ZNF81: variants seen among roughly 807,000 people sequenced by gnomAD.
ZNF81 encodes zinc finger protein 81 (HFZ20).
ZNF81 carries 5 observed loss-of-function variants against 32.3 expected under a neutral mutation model. That is an observed-to-expected ratio of 0.15 (90% CI 0.08 to 0.33). The LOEUF (loss-of-function observed/expected upper bound fraction) is 0.33, where lower values mean the gene tolerates loss of function less well. Among genes scored for constraint, ZNF81 ranks in the 10% least tolerant of loss-of-function variants. The pLI is 1.00. For synonymous variants in ZNF81, 163 were observed against 166.8 expected (o/e 0.98, Z 0.17); for missense variants, 379 against 479.8 (o/e 0.79, Z 1.96).
chrX:47,901,224 A>C (rs1231046754), intron 4 of ZNF81, among the ~76,000 whole-genome samples: 1 of 111,939 alleles, frequency 8.9e-6, no homozygotes, highest in Non-Finnish European at 1.9e-5. Context: ...CTTACCATTG[A>C]TTCTTGTACA....
At chrX:47,908,919 A>G (rs782732459) in intron 4 of ZNF81, among the ~76,000 whole-genome samples, 10 of 112,130 alleles carry the variant, frequency 8.9e-5, no homozygotes, top group East Asian at 2.8e-4. Flanking sequence ...AATTATTGAC[A>G]GGAAAGGGCC....
In ZNF81 at chrX:47,915,388, C is replaced by T. The variant is rs782282759; in HGVS notation, c.742C>T (p.Arg248Cys). ...ACATACAGGAGTGAAGTTCTGTGAA[C>T]GTAATCAATGTGGAAAAGTCCTCAG... ...NTHTGVKFCE[R>C]NQCGKVLSLK... Residue 248 changes from arginine to cysteine, a missense_variant, in exon 5 of 5, where the codon CGT (arginine) becomes TGT (cysteine). By Grantham distance (180) the Arg-to-Cys change is radical. Coordinates refer to ENST00000338637, the MANE Select transcript of ZNF81 (RefSeq NM_007137.5). The T allele has an allele frequency of 3.6e-5, 44 of 1,209,807 alleles. No individual in the cohort carries two copies. The Middle Eastern group carries it at 9.1e-4, about 25-fold the overall frequency.
chrX:47,845,167 A>G (rs2058465480), intron 1 of ZNF81, among the ~76,000 whole-genome samples: 1 of 110,996 alleles, frequency 9.0e-6, no homozygotes, highest in African/African-American at 3.3e-5. Context: ...TTTACTCTTT[A>G]TTTATTTTAC....
chrX:47,841,658 ATTTTCTGGAACCAAAGGGAT>A (rs1170471645), intron 1 of ZNF81: 110 of 1,028,234 alleles, frequency 1.1e-4, no homozygotes, highest in Non-Finnish European at 1.3e-4. Context: ...TTTTCAGGAG[ATTTTCTGGAACCAAAGGGAT>A]TTTTCTTTGC....
chrX:47,915,096 G>A lies in ZNF81; in HGVS notation c.450G>A (p.Leu150=). ...GTCAGGAAAAACACAACAAACTTCT[G>A]AGTCGCACTACTTTCCTCAATAAGA... is the stretch of plus-strand genomic sequence containing the variant. ...KRCQEKHNKL[L]SRTTFLNKKI... The change falls in exon 5 of 5, where the codon CTG becomes CTA. Residue 150 remains leucine, a synonymous_variant. Coordinates refer to ENST00000338637, the MANE Select transcript of ZNF81 (RefSeq NM_007137.5). 1 of 1,208,743 alleles carries A rather than the reference G, an allele frequency of 8.3e-7. No individual in the cohort carries two copies. Among genetic ancestry groups the A allele is most frequent in the Non-Finnish European group, 1.1e-6 (1 of 894,499 alleles).
intron 1 of ZNF81, among the ~76,000 whole-genome samples, chrX:47,838,710 CT>C (rs1248792118): frequency 1.1e-4 from 12 of 111,506 alleles, no homozygotes. Flanking sequence ...TTAGCTAATG[CT>C]TTTTTGAGGA....
rs1470582797 is a variant in ZNF81 at position 47,917,211 on chromosome X, T to C, written c.*579T>C. 7 of 294,714 alleles carry C rather than the reference T, an allele frequency of 2.4e-5. No individual in the cohort carries two copies. Among genetic ancestry groups the C allele is most frequent in the African/African-American group, 1.9e-4 (7 of 36,490 alleles). The allele number at this position is 294,714 out of a possible 1,213,427, so 24.3% of individuals were successfully genotyped here. A position where few individuals can be genotyped will look rare whatever the true frequency, so the allele number is the denominator to read the frequency against. The stretch of plus-strand genomic sequence containing the variant: ...TATCAAATATGTTTCTTATTGAATA[T>C]TTCTATCAAGTGAATCCACAATTTA... On this transcript the variant is annotated 3_prime_UTR_variant, in exon 5 of 5. Transcript: ENST00000338637.
intron 1 of ZNF81, among the ~76,000 whole-genome samples, chrX:47,839,238 C>T (rs1380690780): frequency 8.9e-6 from 1 of 111,959 alleles, no homozygotes; most frequent in African/African-American, 3.2e-5. Flanking sequence ...GTGAAGCCAT[C>T]TGGGCCTGGA....
intron 4 of ZNF81, among the ~76,000 whole-genome samples, chrX:47,905,810 C>T (rs781914723): frequency 1.8e-5 from 2 of 112,558 alleles, no homozygotes; most frequent in South Asian, 7.2e-4. Context: ...ATTACAGCTG[C>T]GAAGCAATGA....
At chrX:47,876,904 C>T (rs2058601861) in intron 2 of ZNF81, among the ~76,000 whole-genome samples, 1 of 112,204 alleles carries the variant, frequency 8.9e-6, no homozygotes, top group South Asian at 3.7e-4. Flanking sequence ...CAGGGATTCT[C>T]TCTCTCCTTT....
chrX:47,919,379 C>T lies in ZNF81; in HGVS notation c.*2747C>T, dbSNP rs187044440. 1.0e-4 allele frequency: 19 copies of T among 188,760 alleles called. No homozygotes were observed. In the Admixed American group the frequency reaches 1.1e-3, roughly 11 times the overall value. The allele number at this position is 188,760 out of a possible 1,213,427, so 15.6% of individuals were successfully genotyped here. On this transcript the variant is annotated 3_prime_UTR_variant, in exon 5 of 5. Coordinates refer to ENST00000338637, the MANE Select transcript of ZNF81 (RefSeq NM_007137.5). ...AACCCATTGAAGGCATTCTTCAACT[C>T]AGTTATGTTTTATTTTTATTTGTAA...
chrX:47,839,024 GTCC>G (rs1221386295), intron 1 of ZNF81, among the ~76,000 whole-genome samples: 1 of 111,534 alleles, frequency 9.0e-6, no homozygotes, highest in Non-Finnish European at 1.9e-5. Context: ...GGCTCAAATA[GTCC>G]TCCTGCCTCA....
At chrX:47,859,041 A>C (rs2058528678) in intron 2 of ZNF81, among the ~76,000 whole-genome samples, 1 of 109,643 alleles carries the variant, frequency 9.1e-6, no homozygotes, top group South Asian at 4.0e-4. Context: ...GCGGTGAGGC[A>C]AGATCGCACT....
chrX:47,893,427 G>C (rs1556886725), intron 3 of ZNF81, among the ~76,000 whole-genome samples: 1 of 111,228 alleles, frequency 9.0e-6, no homozygotes. Context: ...CAACAAGACA[G>C]GAAACAGGTA....
chrX:47,900,377 C>T (rs1556887794), intron 4 of ZNF81, among the ~76,000 whole-genome samples: 1 of 111,404 alleles, frequency 9.0e-6, no homozygotes, highest in African/African-American at 3.3e-5. Flanking sequence ...TCAAATTGTG[C>T]TGGAACAAAT....
intron 4 of ZNF81, among the ~76,000 whole-genome samples, chrX:47,908,533 G>A (rs1556889450): frequency 9.0e-6 from 1 of 111,508 alleles, no homozygotes; most frequent in African/African-American, 3.3e-5. Flanking sequence ...CCACTCCTAG[G>A]CATATATTTA....
intron 1 of ZNF81, among the ~76,000 whole-genome samples, chrX:47,839,134 G>A (rs1161876251): frequency 9.0e-6 from 1 of 111,084 alleles, no homozygotes; most frequent in East Asian, 2.8e-4. Context: ...AATGAGTTGG[G>A]GACTATTTCC....
Position 47,915,366 on chromosome X carries a change from T to C in ZNF81, c.720T>C (p.His240=). 1 of 1,211,694 alleles carries C rather than the reference T, an allele frequency of 8.3e-7. No individual in the cohort carries two copies. The highest frequency in any genetic ancestry group is 1.1e-6 in the Non-Finnish European group (1 of 895,456). The part of the protein sequence containing the change: ...NSSYSHHENT[H]TGVKFCERNQ... Reference sequence around the variant, plus strand: ...CTTATAGTCACCACGAAAATACACATACAGGAGTGAAGTTCTGTGAACGTA... The same window carrying C: ...CTTATAGTCACCACGAAAATACACACACAGGAGTGAAGTTCTGTGAACGTA... The change falls in exon 5 of 5, where the codon CAT becomes CAC. Residue 240 remains histidine, a synonymous_variant. Coordinates refer to ENST00000338637, the MANE Select transcript of ZNF81 (RefSeq NM_007137.5).
intron 2 of ZNF81, among the ~76,000 whole-genome samples, chrX:47,867,161 C>T (rs782047547): frequency 9.0e-6 from 1 of 111,494 alleles, no homozygotes; most frequent in East Asian, 2.8e-4. Flanking sequence ...GGGCTTAATA[C>T]CTAGGTGATG....
Sources: gnomAD v4.1 joint callset for allele counts (sites outside exome capture counted in the v4.1 genomes callset) on GRCh38, gnomAD v4.1.1 for gene constraint, MANE v1.5 for transcripts, NCBI Gene and HGNC (gene_info 2026-07-23, HGNC 2026-07-21) for gene names.